Variants in IBTK observed in about 807,000 individuals in gnomAD.
The protein encoded by IBTK is inhibitor of Bruton tyrosine kinase.
In IBTK, 83 loss-of-function variants were observed where a neutral mutation model predicts 154.9. The ratio of observed to expected loss-of-function variants is 0.54; its 90% CI spans 0.45 to 0.64. IBTK has a LOEUF of 0.64. IBTK is among the 30% of genes least tolerant of loss of function. The pLI, the probability that IBTK is intolerant of heterozygous loss-of-function variation, is 0.00. For missense variants in IBTK, 1,332 were observed against 1,584.6 expected, an observed-to-expected ratio of 0.84 and a Z score of 2.71; for synonymous variants, 515 against 536.1, an observed-to-expected ratio of 0.96 and a Z score of 0.54.
intron 9 of IBTK, 49 bp downstream of exon 9, chr6:82,220,540 CA>C: frequency 6.5e-7 from 1 of 1,535,508 alleles, no homozygotes; most frequent in South Asian, 1.3e-5. Flanking sequence ...AGGTCTGCTA[CA>C]GCTATCAACT....
intron 1 of IBTK, among the ~76,000 whole-genome samples, chr6:82,241,895 T>A (rs563334062): frequency 6.6e-6 from 1 of 152,310 alleles, no homozygotes; most frequent in Admixed American, 6.5e-5. Flanking sequence ...CAGAGGGAAG[T>A]ATGAAATATT....
At chr6:82,226,885 C>T (rs34047835) in intron 5 of IBTK, among the ~76,000 whole-genome samples, 17 of 152,130 alleles carry the variant, frequency 1.1e-4, no homozygotes, top group Non-Finnish European at 2.1e-4. Flanking sequence ...GGATTACAGG[C>T]GTGAGCCACT....
At chr6:82,212,664 C>CAAA in intron 13 of IBTK, 43 bp downstream of exon 13, 1 of 1,328,796 alleles carries the variant, frequency 7.5e-7, no homozygotes, top group Non-Finnish European at 1.1e-6. Context: ...ACTTAAGTGC[C>CAAA]AAAATCCAGA....
intron 25 of IBTK, among the ~76,000 whole-genome samples, chr6:82,186,163 T>A (rs1431993279): frequency 3.3e-5 from 5 of 152,166 alleles, no homozygotes; most frequent in African/African-American, 1.2e-4. Context: ...CAATTGGCAG[T>A]TCTCCCATCT....
chr6:82,233,272 A>C (rs1582252362), intron 3 of IBTK, among the ~76,000 whole-genome samples: 2 of 152,108 alleles, frequency 1.3e-5, no homozygotes, highest in East Asian at 3.8e-4. Flanking sequence ...AGCTGCAATG[A>C]GCCGTGTTCT....
intron 4 of IBTK, among the ~76,000 whole-genome samples, 158 bp downstream of exon 4, chr6:82,231,560 A>G (rs1770503803): frequency 6.6e-6 from 1 of 152,222 alleles, no homozygotes. Flanking sequence ...GGCTAACAAT[A>G]TCTAAAATAA....
chr6:82,207,874 G>T (rs1028863117), intron 16 of IBTK, among the ~76,000 whole-genome samples: 2 of 152,076 alleles, frequency 1.3e-5, no homozygotes, highest in African/African-American at 4.8e-5. Context: ...AGGACATACA[G>T]ATGTAAAAGA....
Position 82,212,704 on chromosome 6 carries a change from T to G in IBTK, c.2291+3A>C. The G allele has an allele frequency of 6.4e-7, 1 of 1,556,976 alleles. No individual in the cohort carries two copies. Among genetic ancestry groups the G allele is most frequent in the Non-Finnish European group, 8.9e-7 (1 of 1,128,466 alleles). On this transcript the variant is annotated splice_donor_region_variant and intron_variant, in intron 13 of 28. Coordinates refer to ENST00000306270, the MANE Select transcript of IBTK (RefSeq NM_015525.4). ...AAATGTTAATCTTCCTTTCCTTACT[T>G]ACCATTTTTTCTGACTTAGCTTCAG...
chr6:82,204,113 T>C (rs1309883936), intron 17 of IBTK, among the ~76,000 whole-genome samples: 3 of 152,134 alleles, frequency 2.0e-5, no homozygotes, highest in Non-Finnish European at 4.4e-5. Context: ...AGGGGGAAGA[T>C]GTAACTACTT....
chr6:82,237,198 C>A (rs1385744182), intron 2 of IBTK, among the ~76,000 whole-genome samples: 1 of 151,998 alleles, frequency 6.6e-6, no homozygotes, highest in African/African-American at 2.4e-5. Flanking sequence ...AACCCAGGGA[C>A]CTTCTCAAAC....
chr6:82,180,622 T>A (rs1206537466), intron 26 of IBTK, among the ~76,000 whole-genome samples: 1 of 152,206 alleles, frequency 6.6e-6, no homozygotes, highest in Non-Finnish European at 1.5e-5. Context: ...TGACTTCAGA[T>A]ATTTTTTGCT....
Position 82,173,496 on chromosome 6 carries a change from C to T in IBTK, c.3726-58G>A, listed in dbSNP as rs112381292. ...GCTTCTAGTAATATTAGTCAAACTG[C>T]TTATTAATAGATACAGAGGAAGAAT... On this transcript the variant is annotated intron_variant, in intron 26 of 28. Transcript: ENST00000306270. The T allele has an allele frequency of 5.2e-4, 723 of 1,379,402 alleles. 3 individuals carry two copies. The African/African-American group carries it at 9.1e-3, about 17-fold the overall frequency. The allele number at this position is 1,379,402 out of a possible 1,614,324, so 85.4% of individuals were successfully genotyped here.
intron 26 of IBTK, among the ~76,000 whole-genome samples, chr6:82,173,933 A>G (rs1376261678): frequency 1.3e-5 from 2 of 152,136 alleles, no homozygotes; most frequent in African/African-American, 4.8e-5. Context: ...AAAAATCACA[A>G]TATTTAATCA....
At chr6:82,179,750 G>C (rs1414226349) in intron 26 of IBTK, among the ~76,000 whole-genome samples, 2 of 152,158 alleles carry the variant, frequency 1.3e-5, no homozygotes, top group Non-Finnish European at 2.9e-5. Context: ...GAAGTGGATG[G>C]AGAATTGGTA....
intron 16 of IBTK, among the ~76,000 whole-genome samples, chr6:82,209,904 G>A (rs947144744): frequency 2.0e-5 from 3 of 152,072 alleles, no homozygotes; most frequent in African/African-American, 7.2e-5. Context: ...CTGCTTTTTA[G>A]AGAATTACTC....
chr6:82,240,157 G>C lies in IBTK; in HGVS notation c.321+9C>G. ...CTAAATACGTTTAAAATAAACAAAT[G>C]ACAATTACCTTCAATAGAGACCAAA... On this transcript the variant is annotated intron_variant, in intron 2 of 28. Transcript: ENST00000306270. The C allele has an allele frequency of 1.3e-6, 2 of 1,593,214 alleles. No homozygotes were observed. The highest frequency in any genetic ancestry group is 1.7e-6 in the Non-Finnish European group (2 of 1,165,068).
rs1554181580 is a variant in IBTK at position 82,173,684 on chromosome 6, T to TATATATATATATATAC, written c.3726-247_3726-246insGTATATATATATATAT. 59 of 220,764 alleles carry TATATATATATATATAC rather than the reference T, an allele frequency of 2.7e-4. 1 individual carries two copies. The highest frequency in any genetic ancestry group is 1.2e-3 in the African/African-American group (51 of 41,348). 13.7% of individuals were successfully genotyped at this position (220,764 alleles called of 1,614,324 possible). A position where few individuals can be genotyped will look rare whatever the true frequency, so the allele number is the denominator to read the frequency against. On this transcript the variant is annotated intron_variant, in intron 26 of 28. Coordinates refer to ENST00000306270, the MANE Select transcript of IBTK (RefSeq NM_015525.4). ...CTATTTCTAATAATAAATATATATA[T>TATATATATATATATAC]ACACACACCAGATAAACCAATAATC...
Position 82,189,806 on chromosome 6 carries a change from C to G in IBTK, c.3575+1267G>C, listed in dbSNP as rs146229025. ...TATATTACCAAGTCCAAAGCTTCATCATGAGCTTAGTTAATTCTCTCAAAC... is the reference window on the plus strand; with the variant it reads ...TATATTACCAAGTCCAAAGCTTCATGATGAGCTTAGTTAATTCTCTCAAAC... On this transcript the variant is annotated intron_variant, in intron 25 of 28. Transcript: ENST00000306270. 1.7e-3 allele frequency among the ~76,000 whole-genome samples: 266 copies of G among 152,374 alleles called. 1 individual carries two copies. The highest frequency in any genetic ancestry group is 5.7e-3 in the African/African-American group (239 of 41,590).
chr6:82,202,151 T>G lies in IBTK; in HGVS notation c.2729+377A>C, dbSNP rs557383386. 3.3e-5 allele frequency among the ~76,000 whole-genome samples: 5 copies of G among 152,336 alleles called. No individual in the cohort carries two copies. In the South Asian group the frequency reaches 1.0e-3, roughly 32 times the overall value. On this transcript the variant is annotated intron_variant, in intron 18 of 28. Transcript: ENST00000306270. The stretch of plus-strand genomic sequence containing the variant: ...CGTCTAGCACATAGTTAATAGTCAT[T>G]ACTACTGAAGTAAAATATAAAAATA...
Sources: allele counts gnomAD v4.1 joint callset (sites outside exome capture counted in the v4.1 genomes callset), GRCh38; gene constraint gnomAD v4.1.1; transcripts MANE v1.5; gene names NCBI Gene and HGNC (gene_info 2026-07-23, HGNC 2026-07-21).